HPS5: variants seen among roughly 807,000 people sequenced by gnomAD.
HPS5 encodes the protein HPS5 biogenesis of lysosomal organelles complex 2 subunit 2.
HPS5 carries 83 observed loss-of-function variants against 128.0 expected under a neutral mutation model. The observed-to-expected ratio is 0.65, with a 90% confidence interval of 0.54 to 0.78. HPS5 has a LOEUF of 0.78. Ranked by LOEUF, HPS5 falls within the 30% of genes least tolerant of loss-of-function variation. The probability of loss-of-function intolerance (pLI) is 0.00; values close to 1 mark genes in which losing one functional copy is unlikely to be tolerated. For missense variants in HPS5, 1,281 were observed against 1,326.2 expected (o/e 0.97, Z 0.53); for synonymous variants, 475 against 470.2 (o/e 1.01, Z -0.13).
chr11:18,292,607 A>G (rs1860553450), intron 15 of HPS5, among the ~76,000 whole-genome samples: 2 of 152,204 alleles, frequency 1.3e-5, no homozygotes, highest in African/African-American at 2.4e-5. Context: ...AAGGCTGCCA[A>G]TCTTCTCAGT....
At chr11:18,305,558 T>C (rs1862250441) in intron 7 of HPS5, 65 bp from the exon 8 acceptor site, 3 of 1,312,324 alleles carry the variant, frequency 2.3e-6, no homozygotes, top group Non-Finnish European at 3.3e-6. Context: ...ATTACACTTT[T>C]CCCAATATAG....
intron 18 of HPS5, 66 bp from the exon 19 acceptor site, chr11:18,286,776 G>T (rs759228224): frequency 6.6e-5 from 105 of 1,600,608 alleles, no homozygotes; most frequent in Non-Finnish European, 8.4e-5. Context: ...AAAATGTGGG[G>T]AGTGTGAAGA....
rs186266108 is a variant in HPS5 at position 18,312,527 on chromosome 11, T to C, written c.109-503A>G. Among the ~76,000 whole-genome samples, 331 of 152,342 alleles carry C rather than the reference T, an allele frequency of 2.2e-3. 4 individuals carry two copies. Among genetic ancestry groups the C allele is most frequent in the Non-Finnish European group, 4.0e-4 (27 of 68,022 alleles). On this transcript the variant is annotated intron_variant, in intron 2 of 22. Transcript: ENST00000349215. Reference sequence around the variant, plus strand: ...GCCCAATACCCCGTGGTAAAAGTTATTAGTTGATTGACTAAGAGACATTCC... The same window carrying C: ...GCCCAATACCCCGTGGTAAAAGTTACTAGTTGATTGACTAAGAGACATTCC...
chr11:18,283,078 T>G (rs1171952131), intron 21 of HPS5, among the ~76,000 whole-genome samples: 1 of 152,182 alleles, frequency 6.6e-6, no homozygotes, highest in Admixed American at 6.5e-5. Flanking sequence ...CTCAGCTCAC[T>G]GCAACCTCCA....
Position 18,281,964 on chromosome 11 carries a change from A to G in HPS5, c.3315T>C (p.Ala1105=). The G allele has an allele frequency of 1.2e-6, 2 of 1,614,190 alleles. No individual in the cohort carries two copies. The highest frequency in any genetic ancestry group is 1.7e-6 in the Non-Finnish European group (2 of 1,180,040). Reference sequence around the variant, plus strand: ...ACTGATATTACCTCTGCCTTTTCTCAGCAATCCTCAGGATATCGCAGGTTC... The same window carrying G: ...ACTGATATTACCTCTGCCTTTTCTCGGCAATCCTCAGGATATCGCAGGTTC... ...FTRTCDILRI[A]EKRQRALIQS... Residue 1105 remains alanine, a synonymous_variant, in exon 22 of 23, where the codon GCT becomes GCC. Transcript: ENST00000349215.
chr11:18,306,060 G>A (rs1862323558), intron 7 of HPS5, 75 bp downstream of exon 7: 1 of 1,069,874 alleles, frequency 9.3e-7, no homozygotes, highest in South Asian at 1.3e-5. Context: ...AACACAGATA[G>A]AATATCAGAG....
intron 20 of HPS5, among the ~76,000 whole-genome samples, chr11:18,284,985 C>T (rs1399817717): frequency 6.6e-6 from 1 of 152,012 alleles, no homozygotes; most frequent in African/African-American, 2.4e-5. Context: ...TGCTATTGAG[C>T]CCATTTTGAT....
intron 6 of HPS5, among the ~76,000 whole-genome samples, chr11:18,306,609 A>C (rs1381326780): frequency 6.6e-6 from 1 of 152,202 alleles, no homozygotes; most frequent in Non-Finnish European, 1.5e-5. Context: ...AGAGGCTCAG[A>C]ATTAATGTAA....
chr11:18,281,126 G>A (rs1858857932), intron 22 of HPS5, among the ~76,000 whole-genome samples: 1 of 150,978 alleles, frequency 6.6e-6, no homozygotes, highest in South Asian at 2.1e-4. Flanking sequence ...TGCCCAGGGT[G>A]GAGTGCAATG....
At chr11:18,315,548 G>C (rs563296130) in intron 2 of HPS5, among the ~76,000 whole-genome samples, 1 of 152,104 alleles carries the variant, frequency 6.6e-6, no homozygotes, top group African/African-American at 2.4e-5. Context: ...AGGAAGTGGA[G>C]GTTGCAGTAA....
In HPS5 at chr11:18,322,099, A is replaced by T. The variant is rs1864445122; in HGVS notation, c.-203T>A. 1 of 152,332 alleles carries T rather than the reference A, an allele frequency of 6.6e-6. No individual in the cohort carries two copies. The highest frequency in any genetic ancestry group is 1.5e-5 in the Non-Finnish European group (1 of 68,104). 9.4% of individuals were successfully genotyped at this position (152,332 alleles called of 1,614,324 possible). On this transcript the variant is annotated 5_prime_UTR_variant, in exon 1 of 23. Coordinates refer to ENST00000349215, the MANE Select transcript of HPS5 (RefSeq NM_181507.2). ...TACCTCGCAGCTCTCAGTAGATCGG[A>T]TCTTGTCTCCCGGCTTAGCGCCGGG...
intron 21 of HPS5, 39 bp from the exon 22 acceptor site, chr11:18,282,259 A>G (rs1430173176): frequency 5.6e-6 from 9 of 1,611,322 alleles, no homozygotes; most frequent in African/African-American, 1.3e-5. Flanking sequence ...GACCACTCTT[A>G]GCACACTGAC....
At chr11:18,302,205 TCTC>T (rs1246918614) in intron 8 of HPS5, among the ~76,000 whole-genome samples, 1 of 152,074 alleles carries the variant, frequency 6.6e-6, no homozygotes, top group Admixed American at 6.5e-5. Context: ...CTCATTTTTT[TCTC>T]CTCATCTTTT....
chr11:18,305,511 CT>C lies in HPS5; in HGVS notation c.825-19del. 1.3e-6 allele frequency: 2 copies of C among 1,534,512 alleles called. No homozygotes were observed. The highest frequency in any genetic ancestry group is 1.8e-6 in the Non-Finnish European group (2 of 1,108,148). On this transcript the variant is annotated intron_variant, in intron 7 of 22. Coordinates refer to ENST00000349215, the MANE Select transcript of HPS5 (RefSeq NM_181507.2). ...GTTCTGATCTAGAAAGTAAACACAT[CT>C]GTTAATGAGTTTATCTGTTAAAAGT...
At chr11:18,307,399 T>C (rs954953799) in intron 6 of HPS5, among the ~76,000 whole-genome samples, 28 of 152,232 alleles carry the variant, frequency 1.8e-4, no homozygotes, top group Admixed American at 7.9e-4. Flanking sequence ...TTGAAATGTA[T>C]ACAGAGCTGT....
chr11:18,290,253 C>T (rs1372995668), intron 16 of HPS5, among the ~76,000 whole-genome samples: 1 of 152,192 alleles, frequency 6.6e-6, no homozygotes, highest in Admixed American at 6.5e-5. Flanking sequence ...ACCCACTGAC[C>T]TGGAATACCT....
chr11:18,307,734 A>C (rs1432863391), intron 6 of HPS5, among the ~76,000 whole-genome samples: 2 of 151,918 alleles, frequency 1.3e-5, no homozygotes. Context: ...AGCTTTAAAA[A>C]AAAAAACAAA....
At chr11:18,297,464 A>G (rs1861212779) in intron 11 of HPS5, 95 bp downstream of exon 11, 2 of 1,182,736 alleles carry the variant, frequency 1.7e-6, no homozygotes, top group African/African-American at 3.0e-5. Context: ...ATAAATGGAA[A>G]GGACAACAAA....
chr11:18,314,101 G>A (rs1379126867), intron 2 of HPS5, among the ~76,000 whole-genome samples: 1 of 152,114 alleles, frequency 6.6e-6, no homozygotes, highest in Non-Finnish European at 1.5e-5. Flanking sequence ...TGTAGTCCCA[G>A]CTACTTGAGA....
Sources: allele counts gnomAD v4.1 joint callset (sites outside exome capture counted in the v4.1 genomes callset), GRCh38; gene constraint gnomAD v4.1.1; transcripts MANE v1.5; gene names NCBI Gene and HGNC (gene_info 2026-07-23, HGNC 2026-07-21).